The following WASF1 variants were observed in gnomAD, a reference collection of about 807,000 sequenced individuals.
WASF1 encodes WASP family member 1.
In WASF1, 7 loss-of-function variants were observed where a neutral mutation model predicts 50.5. The observed-to-expected ratio is 0.14, with a 90% CI of 0.08 to 0.26. The LOEUF is 0.26. WASF1 is among the 10% of genes least tolerant of loss of function. The pLI, the probability that WASF1 is intolerant of heterozygous loss-of-function variation, is 1.00. For synonymous variants in WASF1, 205 were observed against 244.0 expected, an observed-to-expected ratio of 0.84 and a Z score of 1.49; for missense variants, 470 against 694.7, an observed-to-expected ratio of 0.68 and a Z score of 3.64.
chr6:110,149,886 T>C (rs1434749006), intron 3 of WASF1, among the ~76,000 whole-genome samples: 1 of 152,130 alleles, frequency 6.6e-6, no homozygotes, highest in Non-Finnish European at 1.5e-5. Flanking sequence ...TTACTGTTTA[T>C]TATTACTATT....
At chr6:110,140,201 T>C (rs1255470673) in intron 3 of WASF1, among the ~76,000 whole-genome samples, 1 of 152,100 alleles carries the variant, frequency 6.6e-6, no homozygotes, top group Non-Finnish European at 1.5e-5. Flanking sequence ...TAATGAAGCC[T>C]CCCTAAACAC....
chr6:110,140,731 G>A (rs1314601209), intron 3 of WASF1, among the ~76,000 whole-genome samples: 2 of 152,188 alleles, frequency 1.3e-5, no homozygotes, highest in East Asian at 3.9e-4. Flanking sequence ...CACATTGAGT[G>A]TGTTTCTTCA....
At chr6:110,145,175 A>G (rs1441214907) in intron 3 of WASF1, among the ~76,000 whole-genome samples, 2 of 152,128 alleles carry the variant, frequency 1.3e-5, no homozygotes, top group South Asian at 2.1e-4. Context: ...GGTCCTTCAC[A>G]TCCCTTGCAA....
intron 4 of WASF1, among the ~76,000 whole-genome samples, chr6:110,115,685 T>C (rs1031027532): frequency 2.0e-5 from 3 of 152,150 alleles, no homozygotes; most frequent in Admixed American, 1.3e-4. Flanking sequence ...GTCAACACTA[T>C]GGAAGAGAAT....
At chr6:110,153,515 A>G (rs945830618) in intron 3 of WASF1, among the ~76,000 whole-genome samples, 8 of 152,148 alleles carry the variant, frequency 5.3e-5, no homozygotes, top group Non-Finnish European at 1.2e-4. Flanking sequence ...CTGTATCCTC[A>G]CCCAAACTTG....
intron 3 of WASF1, among the ~76,000 whole-genome samples, chr6:110,142,118 A>G (rs1263429172): frequency 3.3e-5 from 5 of 152,210 alleles, no homozygotes; most frequent in Admixed American, 1.3e-4. Context: ...ATAATATCTT[A>G]CAAATGTATT....
At chr6:110,147,345 CA>C (rs575990346) in intron 3 of WASF1, among the ~76,000 whole-genome samples, 9,753 of 75,042 alleles carry the variant, frequency 0.13, 336 homozygotes, top group African/African-American at 0.23. Context: ...GACTCCGTCT[CA>C]AAAAAAAAAA....
At chr6:110,119,238 A>T (rs145929646) in intron 4 of WASF1, among the ~76,000 whole-genome samples, 1,940 of 152,326 alleles carry the variant, frequency 0.013, 48 homozygotes, top group African/African-American at 0.045. Context: ...CAAAAAAATC[A>T]GTGAAACCAG....
At chr6:110,148,375 A>AT (rs1234870061) in intron 3 of WASF1, among the ~76,000 whole-genome samples, 1 of 152,136 alleles carries the variant, frequency 6.6e-6, no homozygotes, top group African/African-American at 2.4e-5. Flanking sequence ...AATTACGCTT[A>AT]TAAGTATAAT....
At chr6:110,133,002 C>T (rs903826858) in intron 3 of WASF1, among the ~76,000 whole-genome samples, 4 of 142,986 alleles carry the variant, frequency 2.8e-5, no homozygotes, top group African/African-American at 1.1e-4. Context: ...GAATACTACA[C>T]AGCCATAAAA....
chr6:110,120,076 C>T (rs958806978), intron 4 of WASF1, among the ~76,000 whole-genome samples: 2 of 152,096 alleles, frequency 1.3e-5, no homozygotes, highest in East Asian at 3.8e-4. Flanking sequence ...AAACCCATAG[C>T]CAAAATCATA....
intron 4 of WASF1, among the ~76,000 whole-genome samples, chr6:110,121,610 G>A (rs1017427493): frequency 6.6e-6 from 1 of 152,226 alleles, no homozygotes; most frequent in Non-Finnish European, 1.5e-5. Context: ...TTCAACCATT[G>A]TGGAAGACAG....
chr6:110,147,183 T>C (rs1043455055), intron 3 of WASF1, among the ~76,000 whole-genome samples: 3 of 151,796 alleles, frequency 2.0e-5, no homozygotes, highest in African/African-American at 4.8e-5. Context: ...CCATCTCTAC[T>C]AAAAATACAA....
At chr6:110,108,428 T>C in intron 6 of WASF1, 100 bp downstream of exon 6, 1 of 1,247,240 alleles carries the variant, frequency 8.0e-7, no homozygotes, top group Non-Finnish European at 1.1e-6. Flanking sequence ...GCTCTCTGTG[T>C]TGGCTAGAAC....
At chr6:110,170,997 T>C (rs1776690464) in intron 2 of WASF1, among the ~76,000 whole-genome samples, 1 of 152,166 alleles carries the variant, frequency 6.6e-6, no homozygotes, top group South Asian at 2.1e-4. Context: ...CAGCTAGAGA[T>C]ATCAACATCC....
intron 3 of WASF1, among the ~76,000 whole-genome samples, chr6:110,146,749 T>C (rs1775582472): frequency 6.6e-6 from 1 of 152,104 alleles, no homozygotes; most frequent in African/African-American, 2.4e-5. Flanking sequence ...AAGTTCAAAA[T>C]AACTTCACTT....
chr6:110,103,624 A>C, intron 8 of WASF1, 67 bp from the exon 9 acceptor site: 4 of 1,349,174 alleles, frequency 3.0e-6, no homozygotes, highest in Non-Finnish European at 4.0e-6. Context: ...TCTACATGAG[A>C]TATTAAATAT....
At chr6:110,140,849 G>C (rs1057130764) in intron 3 of WASF1, among the ~76,000 whole-genome samples, 1 of 152,138 alleles carries the variant, frequency 6.6e-6, no homozygotes, top group Non-Finnish European at 1.5e-5. Context: ...ATAGTGTTAA[G>C]CTATGTCAGA....
chr6:110,124,274 CTATATA>C (rs35703116), intron 4 of WASF1, among the ~76,000 whole-genome samples: 282 of 20,494 alleles, frequency 0.014, 9 homozygotes, highest in Middle Eastern at 0.062. Context: ...CTCTCTCTCT[CTATATA>C]TATATATATA....
Sources: gnomAD v4.1 joint callset for allele counts (sites outside exome capture counted in the v4.1 genomes callset) on GRCh38, gnomAD v4.1.1 for gene constraint, MANE v1.5 for transcripts, NCBI Gene and HGNC (gene_info 2026-07-23, HGNC 2026-07-21) for gene names.